LRBA: variants seen among roughly 807,000 people sequenced by gnomAD.
The protein encoded by LRBA is lipopolysaccharide-responsive and beige-like anchor protein.
LRBA carries 176 observed loss-of-function variants against 330.0 expected under a neutral mutation model. The observed-to-expected ratio is 0.53, with a 90% CI of 0.47 to 0.60. The LOEUF is 0.60. Among genes scored for constraint, LRBA ranks in the 20% least tolerant of loss-of-function variants. The probability of loss-of-function intolerance (pLI) is 0.00; values close to 1 mark genes in which losing one functional copy is unlikely to be tolerated. For missense variants in LRBA, 3,259 were observed against 3,444.8 expected (o/e 0.95, Z 1.35); for synonymous variants, 1,230 against 1,193.0 (o/e 1.03, Z -0.64).
At chr4:150,354,888 TA>T (rs1737627901) in intron 47 of LRBA, among the ~76,000 whole-genome samples, 1 of 152,036 alleles carries the variant, frequency 6.6e-6, no homozygotes, top group Non-Finnish European at 1.5e-5. Flanking sequence ...AAATTATTCA[TA>T]AATAGGAGGT....
intron 30 of LRBA, among the ~76,000 whole-genome samples, chr4:150,818,363 G>A (rs984031856): frequency 6.6e-6 from 1 of 152,018 alleles, no homozygotes; most frequent in Admixed American, 6.6e-5. Flanking sequence ...ATGTACTTCA[G>A]GGTAGCTGGT....
chr4:150,755,685 A>G (rs996780945), intron 35 of LRBA, among the ~76,000 whole-genome samples: 7 of 152,060 alleles, frequency 4.6e-5, no homozygotes, highest in Non-Finnish European at 7.4e-5. Flanking sequence ...CGGTTTTTTT[A>G]TTTAAAGTAT....
At position 150,469,861 on chromosome 4, in the gene LRBA, C is replaced by T. The variant is rs563280873; in HGVS notation, c.6667+1763G>A. On this transcript the variant is annotated intron_variant, in intron 43 of 56. Coordinates refer to ENST00000651943, the MANE Select transcript of LRBA (RefSeq NM_001364905.1). ...CATCATTTCTCCTCTCTGCCCCAACCCATCTTCTCTTTAATAACACATTTA... is the reference window on the plus strand; with the variant it reads ...CATCATTTCTCCTCTCTGCCCCAACTCATCTTCTCTTTAATAACACATTTA... Among the ~76,000 whole-genome samples the T allele has an allele frequency of 4.6e-5, 7 of 152,216 alleles. No homozygotes were observed. The South Asian group carries it at 1.5e-3, about 32-fold the overall frequency.
At chr4:150,372,975 A>G (rs989511079) in intron 47 of LRBA, among the ~76,000 whole-genome samples, 8 of 152,022 alleles carry the variant, frequency 5.3e-5, no homozygotes, top group African/African-American at 1.9e-4. Context: ...TATGGTGAGG[A>G]TACTCAAGCA....
intron 2 of LRBA, among the ~76,000 whole-genome samples, chr4:150,945,542 T>C (rs1277493975): frequency 6.6e-6 from 1 of 152,172 alleles, no homozygotes; most frequent in Non-Finnish European, 1.5e-5. Context: ...TCAGCCTAGG[T>C]AGTTGCCAAA....
At chr4:150,949,768 C>CTT (rs397720259) in intron 2 of LRBA, among the ~76,000 whole-genome samples, 2 of 151,230 alleles carry the variant, frequency 1.3e-5, no homozygotes, top group Admixed American at 6.6e-5. Context: ...CAAGGAAACT[C>CTT]GTAAGTTCAA....
intron 2 of LRBA, among the ~76,000 whole-genome samples, chr4:150,999,064 T>C (rs1024051563): frequency 1.3e-5 from 2 of 151,932 alleles, no homozygotes; most frequent in Admixed American, 6.6e-5. Context: ...TAGGTAAATA[T>C]AACAAAAAAT....
intron 50 of LRBA, among the ~76,000 whole-genome samples, chr4:150,319,551 T>C (rs575072557): frequency 3.3e-5 from 5 of 152,202 alleles, no homozygotes; most frequent in Non-Finnish European, 5.9e-5. Flanking sequence ...GTTATTTTCA[T>C]AAATATTTAC....
chr4:150,302,720 C>A lies in LRBA; in HGVS notation c.7922G>T (p.Gly2641Val). The A allele has an allele frequency of 1.2e-6, 2 of 1,612,500 alleles. No homozygotes were observed. Among genetic ancestry groups the A allele is most frequent in the Non-Finnish European group, 1.7e-6 (2 of 1,179,052 alleles). Residue 2641 changes from glycine to valine, a missense_variant, in exon 53 of 57, where the codon GGG becomes GTG. By Grantham distance (109) the Gly-to-Val change is moderately radical. Coordinates refer to ENST00000651943, the MANE Select transcript of LRBA (RefSeq NM_001364905.1). ...CCCTGAGAGAATGTAGCAATTTCCCCCAATATATGACTCAGAACGAGCAAG... is the reference window on the plus strand; with the variant it reads ...CCCTGAGAGAATGTAGCAATTTCCCACAATATATGACTCAGAACGAGCAAG... ...TCLARSESYI[G>V]GNCYILSGSR...
At chr4:150,454,167 G>C (rs1753754102) in intron 44 of LRBA, among the ~76,000 whole-genome samples, 1 of 152,014 alleles carries the variant, frequency 6.6e-6, no homozygotes. Context: ...TACCATGTTG[G>C]CCAGGATGGT....
intron 46 of LRBA, among the ~76,000 whole-genome samples, chr4:150,418,771 G>A (rs894058823): frequency 6.6e-6 from 1 of 152,112 alleles, no homozygotes; most frequent in Non-Finnish European, 1.5e-5. Flanking sequence ...CATTTGCAGG[G>A]TCCAGAGCAG....
rs139169842 is a variant in LRBA, at chr4:150,715,307, A to C, written c.5754+19951T>G. Among the ~76,000 whole-genome samples the C allele has an allele frequency of 4.1e-3, 623 of 152,322 alleles. 26 individuals carry two copies. The highest frequency in any genetic ancestry group is 0.038 in the Admixed American group (581 of 15,300). On this transcript the variant is annotated intron_variant, in intron 36 of 56. Transcript: ENST00000651943. ...GTTGCATTCTCATTTAGTGCAGTAT[A>C]TAATCAACTTAGCTTTGCCAGGCTA...
chr4:150,560,444 C>A (rs923816358), intron 40 of LRBA, among the ~76,000 whole-genome samples: 1 of 152,018 alleles, frequency 6.6e-6, no homozygotes, highest in Non-Finnish European at 1.5e-5. Context: ...CCTGTGATGT[C>A]CTCTGTGACC....
intron 2 of LRBA, among the ~76,000 whole-genome samples, chr4:150,952,525 G>A (rs1453050667): frequency 6.6e-6 from 1 of 152,134 alleles, no homozygotes; most frequent in African/African-American, 2.4e-5. Context: ...AAAAATCCAA[G>A]TAGTAAAGGC....
intron 34 of LRBA, among the ~76,000 whole-genome samples, chr4:150,790,283 C>A (rs1739707900): frequency 6.6e-6 from 1 of 152,164 alleles, no homozygotes; most frequent in Admixed American, 6.6e-5. Flanking sequence ...GTTGTGTTTT[C>A]TAAATCCTAG....
chr4:150,284,574 A>C (rs1227700989), intron 54 of LRBA, among the ~76,000 whole-genome samples: 1 of 152,080 alleles, frequency 6.6e-6, no homozygotes, highest in East Asian at 1.9e-4. Context: ...TTGCTGTGTC[A>C]CCCAGGCTGG....
At chr4:150,909,585 GA>G (rs1309287447) in intron 9 of LRBA, among the ~76,000 whole-genome samples, 1 of 152,116 alleles carries the variant, frequency 6.6e-6, no homozygotes, top group Non-Finnish European at 1.5e-5. Context: ...ATATTACTAT[GA>G]ACATGGATGG....
chr4:150,666,604 G>A (rs1022097723), intron 37 of LRBA, among the ~76,000 whole-genome samples: 6 of 152,124 alleles, frequency 3.9e-5, no homozygotes, highest in African/African-American at 1.4e-4. Flanking sequence ...ATGTAATCTA[G>A]AGATGATACA....
At chr4:150,329,537 A>G (rs1364798643) in intron 48 of LRBA, among the ~76,000 whole-genome samples, 1 of 152,066 alleles carries the variant, frequency 6.6e-6, no homozygotes, top group East Asian at 1.9e-4. Flanking sequence ...GTCATCCATA[A>G]ATAAATTTAT....
Sources: allele counts gnomAD v4.1 joint callset (sites outside exome capture counted in the v4.1 genomes callset), GRCh38; gene constraint gnomAD v4.1.1; transcripts MANE v1.5; gene names NCBI Gene and HGNC (gene_info 2026-07-23, HGNC 2026-07-21).